The following ZFPM2 variants were observed in gnomAD, a reference collection of about 807,000 sequenced individuals.
The protein encoded by ZFPM2 is zinc finger protein, FOG family member 2.
ZFPM2 carries 20 observed loss-of-function variants against 98.6 expected under a neutral mutation model. That is an observed-to-expected ratio of 0.20 (90% CI 0.14 to 0.29). The LOEUF (loss-of-function observed/expected upper bound fraction) is 0.29. ZFPM2 is among the 10% of genes least tolerant of loss of function. The probability of loss-of-function intolerance (pLI) is 1.00; values close to 1 mark genes in which losing one functional copy is unlikely to be tolerated. For synonymous variants in ZFPM2, 518 were observed against 502.7 expected (o/e 1.03, Z -0.41); for missense variants, 1,310 against 1,388.6 (o/e 0.94, Z 0.90).
chr8:105,398,854 G>T (rs574758493), intron 1 of ZFPM2, among the ~76,000 whole-genome samples: 312 of 152,266 alleles, frequency 2.0e-3, no homozygotes, highest in Non-Finnish European at 3.6e-3. Context: ...CGATTTATTT[G>T]GAGCCATCAC....
chr8:105,723,049 G>A (rs1691464463), intron 5 of ZFPM2, among the ~76,000 whole-genome samples: 1 of 151,814 alleles, frequency 6.6e-6, no homozygotes, highest in South Asian at 2.1e-4. Context: ...CATTGGCTCA[G>A]AAACACTGAT....
At chr8:105,796,498 G>A (rs1304213075) in intron 6 of ZFPM2, among the ~76,000 whole-genome samples, 1 of 152,132 alleles carries the variant, frequency 6.6e-6, no homozygotes, top group Non-Finnish European at 1.5e-5. Flanking sequence ...ATAATAAACA[G>A]TAGTAGCATA....
At chr8:105,764,797 T>C (rs1429157277) in intron 5 of ZFPM2, among the ~76,000 whole-genome samples, 2 of 151,774 alleles carry the variant, frequency 1.3e-5, no homozygotes, top group East Asian at 3.9e-4. Context: ...AGTAAGGTGT[T>C]TTAGAATCTG....
intron 3 of ZFPM2, among the ~76,000 whole-genome samples, chr8:105,551,779 C>G (rs964212873): frequency 6.6e-6 from 1 of 152,162 alleles, no homozygotes; most frequent in Non-Finnish European, 1.5e-5. Context: ...CAATATTTAC[C>G]TGTCAAAGCT....
chr8:105,388,025 TATAA>T (rs1262003664), intron 1 of ZFPM2: 1 of 152,250 alleles, frequency 6.6e-6, no homozygotes, highest in Non-Finnish European at 1.5e-5. Context: ...TATGTGAACC[TATAA>T]ATATATTTGA....
chr8:105,799,903 T>G (rs1349320606), intron 7 of ZFPM2, among the ~76,000 whole-genome samples: 1 of 152,138 alleles, frequency 6.6e-6, no homozygotes, highest in African/African-American at 2.4e-5. Context: ...TCTAGTACAG[T>G]TCAAGCTTTT....
rs1454326772 is a variant in ZFPM2 at position 105,791,266 on chromosome 8, T to G, written c.739+2342T>G. ...TCTTATTATTTTGAGATACGTCCCA[T>G]CAATACCTAATTTATTGAGAGTTTT... On this transcript the variant is annotated intron_variant, in intron 6 of 7. Coordinates refer to ENST00000407775, the MANE Select transcript of ZFPM2 (RefSeq NM_012082.4). 2.0e-5 allele frequency among the ~76,000 whole-genome samples: 3 copies of G among 152,174 alleles called. No individual in the cohort carries two copies. The East Asian group carries it at 5.8e-4, about 29-fold the overall frequency.
At chr8:105,676,985 A>G (rs1442121880) in intron 5 of ZFPM2, among the ~76,000 whole-genome samples, 5 of 152,112 alleles carry the variant, frequency 3.3e-5, no homozygotes, top group African/African-American at 1.2e-4. Flanking sequence ...AATATACTGT[A>G]CTTTAAATAC....
intron 5 of ZFPM2, among the ~76,000 whole-genome samples, chr8:105,742,084 A>G (rs1184475586): frequency 6.6e-6 from 1 of 152,044 alleles, no homozygotes; most frequent in Non-Finnish European, 1.5e-5. Context: ...CAATAATCCC[A>G]GCACTTTGGG....
chr8:105,330,631 T>TATAA (rs1812214214), intron 1 of ZFPM2, among the ~76,000 whole-genome samples: 1 of 62,058 alleles, frequency 1.6e-5, no homozygotes, highest in Non-Finnish European at 3.7e-5. Context: ...TATATATATA[T>TATAA]ACATATATAT....
At chr8:105,794,448 CAGA>C (rs2131154846) in intron 6 of ZFPM2, among the ~76,000 whole-genome samples, 1 of 152,258 alleles carries the variant, frequency 6.6e-6, no homozygotes, top group South Asian at 2.1e-4. Flanking sequence ...AGTTTTGTCT[CAGA>C]GGAGTATCTG....
chr8:105,779,881 C>A (rs1813201593), intron 5 of ZFPM2, among the ~76,000 whole-genome samples: 1 of 152,134 alleles, frequency 6.6e-6, no homozygotes, highest in Admixed American at 6.6e-5. Flanking sequence ...GCATGAATTT[C>A]CAAAATATAA....
chr8:105,751,834 T>C (rs1242225048), intron 5 of ZFPM2, among the ~76,000 whole-genome samples: 4 of 152,106 alleles, frequency 2.6e-5, no homozygotes, highest in Admixed American at 6.6e-5. Flanking sequence ...TGTGTCTTAG[T>C]TATATTTTGA....
At chr8:105,544,361 A>C (rs1442262016) in intron 3 of ZFPM2, among the ~76,000 whole-genome samples, 2 of 151,954 alleles carry the variant, frequency 1.3e-5, no homozygotes, top group Non-Finnish European at 2.9e-5. Context: ...AGTCTTCCTT[A>C]CCCTCCCCTA....
chr8:105,698,738 A>G (rs1232307315), intron 5 of ZFPM2, among the ~76,000 whole-genome samples: 1 of 152,200 alleles, frequency 6.6e-6, no homozygotes, highest in Non-Finnish European at 1.5e-5. Flanking sequence ...CTGACAATAA[A>G]CATTGGTTAT....
chr8:105,430,314 TGTAA>T (rs1204947549), intron 2 of ZFPM2, among the ~76,000 whole-genome samples: 7 of 152,182 alleles, frequency 4.6e-5, no homozygotes, highest in African/African-American at 7.2e-5. Flanking sequence ...TTTTAGTACC[TGTAA>T]GTGTTAGTGG....
At chr8:105,500,286 G>A (rs560434648) in intron 3 of ZFPM2, among the ~76,000 whole-genome samples, 18 of 152,072 alleles carry the variant, frequency 1.2e-4, no homozygotes, top group East Asian at 3.9e-4. Context: ...AGAAATTATC[G>A]ATACAATACT....
At chr8:105,767,044 GTAAC>G (rs1244631486) in intron 5 of ZFPM2, among the ~76,000 whole-genome samples, 1 of 151,838 alleles carries the variant, frequency 6.6e-6, no homozygotes, top group African/African-American at 2.4e-5. Flanking sequence ...CTACAACAGA[GTAAC>G]TATCTACAGG....
In ZFPM2 at chr8:105,508,700, C is replaced by T. The variant is rs185127409; in HGVS notation, c.302-52663C>T. 2.9e-3 allele frequency among the ~76,000 whole-genome samples: 447 copies of T among 152,004 alleles called. 2 individuals carry two copies. Among genetic ancestry groups the T allele is most frequent in the African/African-American group, 0.01 (433 of 41,464 alleles). ...TAAACGACTTAAAGGAGCCTTATCT[C>T]GGGGCTCTTCGGCTTCATTTCATGC... On this transcript the variant is annotated intron_variant, in intron 3 of 7. Transcript: ENST00000407775.
Sources: allele counts gnomAD v4.1 joint callset (sites outside exome capture counted in the v4.1 genomes callset), GRCh38; gene constraint gnomAD v4.1.1; transcripts MANE v1.5; gene names NCBI Gene and HGNC (gene_info 2026-07-23, HGNC 2026-07-21).